The following LARGE1 variants were observed in gnomAD, a reference collection of about 807,000 sequenced individuals.
LARGE1 encodes xylosyl- and glucuronyltransferase LARGE1.
A neutral mutation model predicts 87.6 loss-of-function variants in LARGE1; 43 were observed. That is an observed-to-expected ratio of 0.49 (90% CI 0.38 to 0.63). LARGE1 has a LOEUF of 0.63. Among genes scored for constraint, LARGE1 ranks in the 30% least tolerant of loss-of-function variants. The pLI, the probability that LARGE1 is intolerant of heterozygous loss-of-function variation, is 0.00. For synonymous variants in LARGE1, 434 were observed against 394.6 expected, an observed-to-expected ratio of 1.10 and a Z score of -1.18; for missense variants, 802 against 1,000.2, an observed-to-expected ratio of 0.80 and a Z score of 2.67.
intron 1 of LARGE1, among the ~76,000 whole-genome samples, chr22:33,905,716 A>ATGTAT (rs1244253682): frequency 3.9e-5 from 6 of 152,200 alleles, no homozygotes; most frequent in Non-Finnish European, 7.3e-5. Context: ...TGTGATTAGA[A>ATGTAT]GGACCTCAAC....
At chr22:33,125,550 A>C in the LARGE1 span, among the ~76,000 whole-genome samples, 1 of 151,300 alleles carries the variant, frequency 6.6e-6, no homozygotes, top group Non-Finnish European at 1.5e-5. Flanking sequence ...GTGTTCAAGC[A>C]ATTCTCGTAC....
At chr22:33,822,841 G>T (rs537779298) in intron 1 of LARGE1, among the ~76,000 whole-genome samples, 2 of 152,224 alleles carry the variant, frequency 1.3e-5, no homozygotes, top group Non-Finnish European at 2.9e-5. Context: ...GCGCCTGGAA[G>T]TGAGCAGTGG....
chr22:33,829,048 G>A (rs1298451944), intron 1 of LARGE1, among the ~76,000 whole-genome samples: 1 of 113,562 alleles, frequency 8.8e-6, no homozygotes, highest in Admixed American at 1.3e-4. Context: ...TTGCTCTGTT[G>A]CCCAGGCTGG....
At position 33,774,160 on chromosome 22, in the gene LARGE1, T is replaced by C. The variant is rs565680457; in HGVS notation, c.-82-12602A>G. ...TACTGCTCTTCTTGAAGGGACCATA[T>C]CCATTTTTCAAAAGAGACTACCCCT... On this transcript the variant is annotated intron_variant, in intron 1 of 14. Coordinates refer to ENST00000397394, the MANE Select transcript of LARGE1 (RefSeq NM_133642.5). Among the ~76,000 whole-genome samples the C allele has an allele frequency of 1.9e-4, 29 of 152,214 alleles. No individual in the cohort carries two copies. The South Asian group carries it at 5.6e-3, about 29-fold the overall frequency.
the LARGE1 span, among the ~76,000 whole-genome samples, chr22:33,127,892 G>C: frequency 6.6e-6 from 1 of 152,170 alleles, no homozygotes; most frequent in South Asian, 2.1e-4. Context: ...GAAATTTGTT[G>C]AGTTTCTTGG....
At chr22:33,232,954 G>A (rs1926082133) in intron 11 of LARGE1, among the ~76,000 whole-genome samples, 1 of 152,198 alleles carries the variant, frequency 6.6e-6, no homozygotes, top group African/African-American at 2.4e-5. Context: ...TATGCCTCTT[G>A]TGGCATTTCT....
intron 1 of LARGE1, among the ~76,000 whole-genome samples, chr22:33,859,276 T>C (rs1679590406): frequency 1.3e-5 from 2 of 152,346 alleles, no homozygotes; most frequent in South Asian, 4.1e-4. Context: ...ATTACTGTAC[T>C]TCCTAATTTC....
At chr22:33,160,097 C>T (rs5754478), downstream of LARGE1, among the ~76,000 whole-genome samples, 4,582 of 152,100 alleles carry the variant, frequency 0.03, 153 homozygotes, top group African/African-American at 0.071. Flanking sequence ...TAGCATAATC[C>T]ACTTCAATAA....
At chr22:33,123,569 G>A in the LARGE1 span, among the ~76,000 whole-genome samples, 1 of 152,202 alleles carries the variant, frequency 6.6e-6, no homozygotes, top group Non-Finnish European at 1.5e-5. Context: ...CAAAGAAGGT[G>A]TAAGTATAGG....
intron 7 of LARGE1, among the ~76,000 whole-genome samples, chr22:33,419,603 A>G (rs992120560): frequency 2.9e-4 from 44 of 152,116 alleles, no homozygotes; most frequent in Admixed American, 2.9e-3. Context: ...GAAGAATCCA[A>G]TTCCCTCAAA....
In LARGE1 at chr22:33,474,555, G is replaced by A. The variant is rs191618180; in HGVS notation, c.788-42290C>T. On this transcript the variant is annotated intron_variant, in intron 6 of 14. Coordinates refer to ENST00000397394, the MANE Select transcript of LARGE1 (RefSeq NM_133642.5). ...GCGCTTACCCCCTTATGCCTGGCAC[G>A]CTTTGCATATTGACACTGCCTGCCT... Among the ~76,000 whole-genome samples, 473 of 152,270 alleles carry A rather than the reference G, an allele frequency of 3.1e-3. 3 individuals carry two copies. Among genetic ancestry groups the A allele is most frequent in the South Asian group, 0.022 (104 of 4,824 alleles).
At chr22:33,886,559 C>G (rs1189651540) in intron 1 of LARGE1, among the ~76,000 whole-genome samples, 1 of 148,320 alleles carries the variant, frequency 6.7e-6, no homozygotes, top group Non-Finnish European at 1.5e-5. Flanking sequence ...CACCTGTAAT[C>G]CCAGCTATTT....
intron 7 of LARGE1, among the ~76,000 whole-genome samples, chr22:33,402,283 G>A (rs1296809128): frequency 6.6e-6 from 1 of 152,192 alleles, no homozygotes; most frequent in Non-Finnish European, 1.5e-5. Flanking sequence ...GCATCACTAA[G>A]TCAACGTCTT....
chr22:33,869,629 C>T (rs572025245), intron 1 of LARGE1, among the ~76,000 whole-genome samples: 45 of 152,262 alleles, frequency 3.0e-4, no homozygotes, highest in Non-Finnish European at 3.2e-4. Context: ...GGGAAGCACT[C>T]GCATGTCCAG....
intron 1 of LARGE1, among the ~76,000 whole-genome samples, chr22:33,915,183 C>T (rs978267139): frequency 3.9e-5 from 6 of 152,128 alleles, no homozygotes; most frequent in African/African-American, 1.4e-4. Flanking sequence ...TATCTAATAT[C>T]CTTCAGGCAG....
chr22:33,213,756 T>G (rs772798209), intron 11 of LARGE1, among the ~76,000 whole-genome samples: 6 of 152,254 alleles, frequency 3.9e-5, no homozygotes, highest in Non-Finnish European at 7.3e-5. Context: ...TGCAGTATAC[T>G]GTAAACATTA....
chr22:33,757,369 G>T (rs2084555797), intron 2 of LARGE1, among the ~76,000 whole-genome samples: 1 of 152,172 alleles, frequency 6.6e-6, no homozygotes, highest in Non-Finnish European at 1.5e-5. Context: ...TACATCAGAC[G>T]TTAGAATCAG....
intron 6 of LARGE1, among the ~76,000 whole-genome samples, chr22:33,443,044 G>A (rs919745822): frequency 6.6e-6 from 1 of 152,078 alleles, no homozygotes; most frequent in South Asian, 2.1e-4. Context: ...CGCCCTCCTC[G>A]GCCTCCCAAA....
intron 11 of LARGE1, among the ~76,000 whole-genome samples, chr22:33,261,452 C>T (rs1927621189): frequency 1.3e-5 from 2 of 152,032 alleles, no homozygotes; most frequent in South Asian, 2.1e-4. Context: ...ACCAAAGGCA[C>T]GTGGGCCATT....
Sources: allele counts gnomAD v4.1 joint callset (sites outside exome capture counted in the v4.1 genomes callset), GRCh38; gene constraint gnomAD v4.1.1; transcripts MANE v1.5; gene names NCBI Gene and HGNC (gene_info 2026-07-23, HGNC 2026-07-21).